Variants in CDKAL1 observed in about 807,000 individuals in gnomAD.
CDKAL1 encodes CDKAL1 threonylcarbamoyladenosine tRNA methylthiotransferase.
A neutral mutation model predicts 68.2 loss-of-function variants in CDKAL1; 32 were observed. That is an observed-to-expected ratio of 0.47 (90% CI 0.35 to 0.63). The LOEUF (loss-of-function observed/expected upper bound fraction) is 0.63. CDKAL1 is among the 30% of genes least tolerant of loss of function. The pLI is 0.00. For missense variants in CDKAL1, 606 were observed against 696.7 expected, an observed-to-expected ratio of 0.87 and a Z score of 1.47; for synonymous variants, 234 against 244.3, an observed-to-expected ratio of 0.96 and a Z score of 0.39.
At chr6:20,981,949 A>G (rs979575136) in intron 10 of CDKAL1, among the ~76,000 whole-genome samples, 5 of 152,206 alleles carry the variant, frequency 3.3e-5, no homozygotes, top group African/African-American at 9.6e-5. Flanking sequence ...CTTTTTCCCT[A>G]GCTGTCTTCT....
At chr6:21,179,259 T>C (rs1777700222) in intron 13 of CDKAL1, among the ~76,000 whole-genome samples, 1 of 152,176 alleles carries the variant, frequency 6.6e-6, no homozygotes, top group Non-Finnish European at 1.5e-5. Flanking sequence ...AAACACTACC[T>C]GAAATAGGCA....
At chr6:20,624,481 T>A (rs1255807990) in intron 4 of CDKAL1, among the ~76,000 whole-genome samples, 1 of 152,092 alleles carries the variant, frequency 6.6e-6, no homozygotes, top group East Asian at 1.9e-4. Flanking sequence ...GTATAGCTGC[T>A]GCACCATTTT....
At chr6:21,010,594 C>G (rs1347280678) in intron 11 of CDKAL1, among the ~76,000 whole-genome samples, 1 of 152,108 alleles carries the variant, frequency 6.6e-6, no homozygotes, top group Non-Finnish European at 1.5e-5. Context: ...ATGGGCCACT[C>G]TAGGACCTTA....
intron 8 of CDKAL1, among the ~76,000 whole-genome samples, chr6:20,799,042 T>TTTTTTG (rs1776245903): frequency 1.0e-5 from 1 of 98,840 alleles, no homozygotes; most frequent in Non-Finnish European, 2.0e-5. Context: ...AGAACTGAGT[T>TTTTTTG]TTTTTTTTTT....
chr6:21,038,669 T>C (rs1769730474), intron 11 of CDKAL1, among the ~76,000 whole-genome samples: 1 of 152,174 alleles, frequency 6.6e-6, no homozygotes, highest in Admixed American at 6.6e-5. Flanking sequence ...TAAAATATTA[T>C]GAGTTTTTTT....
rs34964322 is a variant in CDKAL1 at position 20,791,983 on chromosome 6, GA to G, written c.638+10729del. On this transcript the variant is annotated intron_variant, in intron 8 of 15. Coordinates refer to ENST00000274695, the MANE Select transcript of CDKAL1 (RefSeq NM_017774.3). ...TGTTTTCCAGCCCTATCAAGAGAGAGAAAAAAAAAAACCCTGAAACTTGTGT... is the reference window on the plus strand; with the variant it reads ...TGTTTTCCAGCCCTATCAAGAGAGAGAAAAAAAAAACCCTGAAACTTGTGT... Among the ~76,000 whole-genome samples the G allele has an allele frequency of 2.9e-3, 409 of 141,614 alleles. 4 individuals carry two copies. The highest frequency in any genetic ancestry group is 9.5e-3 in the African/African-American group (370 of 38,920). The allele number at this position is 141,614 out of a possible 152,430, so 92.9% of individuals were successfully genotyped here.
Position 20,979,267 on chromosome 6 carries a change from A to G in CDKAL1, c.910-20960A>G, listed in dbSNP as rs111857239. On this transcript the variant is annotated intron_variant, in intron 10 of 15. Transcript: ENST00000274695. ...GTAAAATTAGCTGTTATTCAACTCA[A>G]TTCAACAAAAAGTTATCAAACATTA... Among the ~76,000 whole-genome samples, 630 of 152,336 alleles carry G rather than the reference A, an allele frequency of 4.1e-3. 5 individuals carry two copies. Among genetic ancestry groups the G allele is most frequent in the African/African-American group, 0.014 (601 of 41,578 alleles).
intron 12 of CDKAL1, among the ~76,000 whole-genome samples, chr6:21,093,720 T>A (rs1350081159): frequency 0.063 from 4,106 of 65,418 alleles, 433 homozygotes; most frequent in African/African-American, 0.22. Flanking sequence ...TTTTTTTTTT[T>A]TTTTTTTTTT....
intron 4 of CDKAL1, among the ~76,000 whole-genome samples, chr6:20,550,889 CAG>C (rs1375302257): frequency 2.9e-5 from 3 of 102,830 alleles, no homozygotes; most frequent in Non-Finnish European, 5.3e-5. Context: ...TTTTTTGAGA[CAG>C]AGTCTTGCTC....
At chr6:20,719,821 C>T (rs140740654) in intron 5 of CDKAL1, among the ~76,000 whole-genome samples, 1 of 152,278 alleles carries the variant, frequency 6.6e-6, no homozygotes, top group East Asian at 1.9e-4. Context: ...CAACAAGTAA[C>T]CACTCTCCTG....
At chr6:20,624,157 A>T (rs1252772352) in intron 4 of CDKAL1, among the ~76,000 whole-genome samples, 24 of 152,048 alleles carry the variant, frequency 1.6e-4, no homozygotes, top group Admixed American at 1.5e-3. Flanking sequence ...TTCAAAATTT[A>T]TGAGCAGACA....
chr6:20,761,508 G>T (rs539143320), intron 7 of CDKAL1, among the ~76,000 whole-genome samples: 1 of 152,182 alleles, frequency 6.6e-6, no homozygotes, highest in East Asian at 1.9e-4. Flanking sequence ...CTAAAACTTA[G>T]AAGCAAAAAA....
intron 9 of CDKAL1, among the ~76,000 whole-genome samples, chr6:20,950,834 G>T (rs1043625141): frequency 1.3e-5 from 2 of 152,118 alleles, no homozygotes; most frequent in African/African-American, 2.4e-5. Flanking sequence ...GTATGGCATG[G>T]TGGTGTGCGC....
chr6:20,702,713 G>T (rs1771423642), intron 5 of CDKAL1, among the ~76,000 whole-genome samples: 1 of 152,168 alleles, frequency 6.6e-6, no homozygotes, highest in African/African-American at 2.4e-5. Context: ...GTGTTGGCCT[G>T]CTAGGGTCTC....
intron 4 of CDKAL1, among the ~76,000 whole-genome samples, chr6:20,644,789 A>G (rs1768361365): frequency 1.3e-5 from 2 of 152,236 alleles, no homozygotes; most frequent in African/African-American, 4.8e-5. Context: ...ATTTTGACAT[A>G]TTCACAGAAT....
chr6:20,806,377 C>T (rs1776571936), intron 8 of CDKAL1, among the ~76,000 whole-genome samples: 1 of 152,102 alleles, frequency 6.6e-6, no homozygotes, highest in African/African-American at 2.4e-5. Flanking sequence ...GTTCAGTGTA[C>T]CGTTGGTGGG....
intron 8 of CDKAL1, among the ~76,000 whole-genome samples, chr6:20,802,384 A>G (rs1192054894): frequency 5.9e-5 from 9 of 151,750 alleles, no homozygotes; most frequent in African/African-American, 1.9e-4. Flanking sequence ...CATTTTCTTC[A>G]TATTACTTTC....
At chr6:20,827,857 T>C (rs1207482702) in intron 8 of CDKAL1, among the ~76,000 whole-genome samples, 4 of 152,192 alleles carry the variant, frequency 2.6e-5, no homozygotes, top group Non-Finnish European at 5.9e-5. Context: ...TTAGTTTTTT[T>C]TTTAATTGGG....
intron 13 of CDKAL1, among the ~76,000 whole-genome samples, chr6:21,172,454 T>C (rs745310575): frequency 6.4e-4 from 98 of 152,196 alleles, no homozygotes; most frequent in Non-Finnish European, 1.0e-3. Flanking sequence ...TCTTGAAAGT[T>C]TGAAAGCTTT....
Sources: allele counts gnomAD v4.1 joint callset (sites outside exome capture counted in the v4.1 genomes callset), GRCh38; gene constraint gnomAD v4.1.1; transcripts MANE v1.5; gene names NCBI Gene and HGNC (gene_info 2026-07-23, HGNC 2026-07-21).